SNX29: variants seen among roughly 807,000 people sequenced by gnomAD.
The protein encoded by SNX29 is sorting nexin-29.
In SNX29, 78 loss-of-function variants were observed where a neutral mutation model predicts 102.1. The observed-to-expected ratio is 0.76, with a 90% CI of 0.64 to 0.92. SNX29 has a LOEUF of 0.92. Ranked by LOEUF, SNX29 falls within the 40% of genes least tolerant of loss-of-function variation. The pLI is 0.00. For missense variants in SNX29, 1,280 were observed against 1,061.7 expected, an observed-to-expected ratio of 1.21 and a Z score of -2.86; for synonymous variants, 580 against 414.5, an observed-to-expected ratio of 1.40 and a Z score of -4.85.
chr16:12,533,755 C>T (rs529467700), intron 20 of SNX29, among the ~76,000 whole-genome samples: 1 of 152,214 alleles, frequency 6.6e-6, no homozygotes, highest in East Asian at 1.9e-4. Flanking sequence ...TGAATTAAGC[C>T]ATTGAGTTGT....
intron 14 of SNX29, among the ~76,000 whole-genome samples, chr16:12,268,185 C>A (rs1177522498): frequency 5.3e-5 from 8 of 152,254 alleles, no homozygotes; most frequent in African/African-American, 1.9e-4. Context: ...CTAGCCCTTC[C>A]TCTGGCCTGG....
At chr16:11,976,854 C>G in intron 1 of SNX29, 41 bp downstream of exon 1, 1 of 1,330,718 alleles carries the variant, frequency 7.5e-7, no homozygotes, top group Non-Finnish European at 9.6e-7. Context: ...CCCGGCCGCC[C>G]CGGCTCCCGC....
chr16:12,333,832 T>C (rs571379094), intron 15 of SNX29, among the ~76,000 whole-genome samples: 108 of 152,236 alleles, frequency 7.1e-4, no homozygotes, highest in African/African-American at 2.2e-3. Flanking sequence ...GAAAAGGCCA[T>C]GTTTAGCCAG....
intron 9 of SNX29, 56 bp downstream of exon 9, chr16:12,061,702 A>C: frequency 6.8e-7 from 1 of 1,475,772 alleles, no homozygotes; most frequent in Non-Finnish European, 9.3e-7. Context: ...TTCGAGAACC[A>C]GCAGGAATGT....
chr16:12,564,785 C>A (rs116723547), intron 20 of SNX29, among the ~76,000 whole-genome samples: 7 of 151,604 alleles, frequency 4.6e-5, no homozygotes, highest in African/African-American at 1.5e-4. Flanking sequence ...TTGCAGCCAG[C>A]TAAGAAATGG....
At chr16:12,058,495 G>GTTT (rs1249420541) in intron 8 of SNX29, among the ~76,000 whole-genome samples, 49,089 of 103,552 alleles carry the variant, frequency 0.47, 11,908 homozygotes, top group African/African-American at 0.59. Flanking sequence ...TTGGTTTTTG[G>GTTT]TTTTTTTTTT....
chr16:11,977,030 C>G, intron 1 of SNX29: 1 of 479,940 alleles, frequency 2.1e-6, no homozygotes, highest in Non-Finnish European at 3.3e-6. Flanking sequence ...TCCTGGTCTC[C>G]TGACTCCTGT....
At chr16:12,242,750 C>A (rs1004255863) in intron 14 of SNX29, among the ~76,000 whole-genome samples, 4 of 151,904 alleles carry the variant, frequency 2.6e-5, no homozygotes, top group African/African-American at 9.7e-5. Context: ...ACCTACCAGG[C>A]TCCAGCAATC....
At position 12,119,447 on chromosome 16, in the gene SNX29, G is replaced by A. The variant is rs190653739; in HGVS notation, c.1403-7186G>A. Among the ~76,000 whole-genome samples, 5 of 152,282 alleles carry A rather than the reference G, an allele frequency of 3.3e-5. 1 individual carries two copies. Among genetic ancestry groups the A allele is most frequent in the African/African-American group, 1.2e-4 (5 of 41,562 alleles). ...GAACCTTATCAAGATTTTGCAAGGG[G>A]TTTTTCTTCTGTACCTTGTGACTTT... On this transcript the variant is annotated intron_variant, in intron 11 of 20. Transcript: ENST00000566228.
At chr16:12,004,582 G>C (rs1286222219) in intron 3 of SNX29, among the ~76,000 whole-genome samples, 1 of 152,074 alleles carries the variant, frequency 6.6e-6, no homozygotes, top group Non-Finnish European at 1.5e-5. Flanking sequence ...AAAGGGAAGG[G>C]AACTTGCTTG....
chr16:12,182,076 G>T (rs1385974732), intron 13 of SNX29, among the ~76,000 whole-genome samples: 1 of 151,898 alleles, frequency 6.6e-6, no homozygotes, highest in Non-Finnish European at 1.5e-5. Context: ...AGTAGAGATG[G>T]GGTTTTTGCC....
Position 12,082,286 on chromosome 16 carries a change from C to T in SNX29, c.1402+3371C>T, listed in dbSNP as rs1244253013. Among the ~76,000 whole-genome samples the T allele has an allele frequency of 2.0e-5, 3 of 152,080 alleles. No homozygotes were observed. The East Asian group carries it at 5.8e-4, about 29-fold the overall frequency. On this transcript the variant is annotated intron_variant, in intron 11 of 20. Transcript: ENST00000566228. Reference sequence around the variant, plus strand: ...CACCGTAAGTAGGGCTGCAGGCATCCCTGTGTGCCCTGGCAGGTGTCTGAC... The same window carrying T: ...CACCGTAAGTAGGGCTGCAGGCATCTCTGTGTGCCCTGGCAGGTGTCTGAC...
intron 16 of SNX29, among the ~76,000 whole-genome samples, chr16:12,367,701 A>T (rs1377294014): frequency 6.6e-6 from 1 of 152,262 alleles, no homozygotes. Context: ...CGCATAGCTA[A>T]TGATCAAGTA....
At chr16:12,240,705 TC>T (rs1274095899) in intron 14 of SNX29, among the ~76,000 whole-genome samples, 3 of 146,976 alleles carry the variant, frequency 2.0e-5, no homozygotes, top group Non-Finnish European at 4.5e-5. Flanking sequence ...GTTCAGGTGA[TC>T]CTCCCTCTTC....
chr16:12,539,472 G>A (rs75644269), intron 20 of SNX29, among the ~76,000 whole-genome samples: 58 of 152,250 alleles, frequency 3.8e-4, no homozygotes, highest in Admixed American at 1.2e-3. Flanking sequence ...GATATACCAC[G>A]GTTTATCTAG....
At chr16:12,565,403 C>T (rs1189961178) in intron 20 of SNX29, among the ~76,000 whole-genome samples, 1 of 151,574 alleles carries the variant, frequency 6.6e-6, no homozygotes, top group Non-Finnish European at 1.5e-5. Context: ...ATCCACTCAA[C>T]TTGTCCCAAA....
intron 1 of SNX29, among the ~76,000 whole-genome samples, chr16:11,978,877 A>G (rs1490973929): frequency 6.6e-6 from 1 of 152,004 alleles, no homozygotes; most frequent in African/African-American, 2.4e-5. Context: ...GTGAGCCAAG[A>G]TCAAGCCACT....
At chr16:12,069,386 C>G (rs1236160226) in intron 10 of SNX29, among the ~76,000 whole-genome samples, 1 of 151,894 alleles carries the variant, frequency 6.6e-6, no homozygotes, top group Admixed American at 6.6e-5. Context: ...TTGCCTGAGC[C>G]TCCCAAGTAG....
chr16:12,357,222 T>C (rs978853389), intron 16 of SNX29, among the ~76,000 whole-genome samples: 4 of 152,218 alleles, frequency 2.6e-5, no homozygotes, highest in African/African-American at 7.2e-5. Flanking sequence ...TGAACAATTA[T>C]CCGTCACGGC....
Sources: allele counts gnomAD v4.1 joint callset (sites outside exome capture counted in the v4.1 genomes callset), GRCh38; gene constraint gnomAD v4.1.1; transcripts MANE v1.5; gene names NCBI Gene and HGNC (gene_info 2026-07-23, HGNC 2026-07-21).